Variants in LRRTM4 observed in about 807,000 individuals in gnomAD.
The protein encoded by LRRTM4 is leucine-rich repeat transmembrane neuronal protein 4.
A neutral mutation model predicts 47.6 loss-of-function variants in LRRTM4; 25 were observed. The observed-to-expected ratio is 0.53, with a 90% CI of 0.38 to 0.73. The LOEUF (loss-of-function observed/expected upper bound fraction) is 0.73. LRRTM4 is among the 30% of genes least tolerant of loss of function. LRRTM4 has a pLI of 0.00. For synonymous variants in LRRTM4, 311 were observed against 269.5 expected (o/e 1.15, Z -1.51); for missense variants, 638 against 713.4 (o/e 0.89, Z 1.20).
intron 3 of LRRTM4, among the ~76,000 whole-genome samples, chr2:77,443,544 T>C (rs1198140553): frequency 6.6e-6 from 1 of 152,178 alleles, no homozygotes; most frequent in Non-Finnish European, 1.5e-5. Context: ...ATAAGTTTTA[T>C]TGCTTTTATC....
chr2:77,262,001 C>T (rs1008006040), intron 3 of LRRTM4, among the ~76,000 whole-genome samples: 5 of 152,004 alleles, frequency 3.3e-5, no homozygotes, highest in African/African-American at 1.2e-4. Context: ...GCTCCACCTC[C>T]TGTCAAATCA....
intron 3 of LRRTM4, among the ~76,000 whole-genome samples, chr2:77,028,264 G>C (rs1284967310): frequency 1.3e-5 from 2 of 152,168 alleles, no homozygotes; most frequent in African/African-American, 4.8e-5. Flanking sequence ...GATTAGGAAA[G>C]TTGGCTAGTG....
Position 76,778,539 on chromosome 2 carries a change from T to C in LRRTM4, c.1552-29623A>G, listed in dbSNP as rs552320297. Among the ~76,000 whole-genome samples the C allele has an allele frequency of 2.0e-3, 303 of 151,314 alleles. 1 individual carries two copies. The highest frequency in any genetic ancestry group is 7.2e-3 in the African/African-American group (293 of 40,620). On this transcript the variant is annotated intron_variant, in intron 3 of 3. Transcript: ENST00000409884. ...TCCATTTCTTGTAGATTTTCTAGTTTATTTGCGTAGAGGTGTTTGTAGTAT... is the reference window on the plus strand; with the variant it reads ...TCCATTTCTTGTAGATTTTCTAGTTCATTTGCGTAGAGGTGTTTGTAGTAT...
intron 3 of LRRTM4, among the ~76,000 whole-genome samples, chr2:77,007,694 T>C (rs1677708259): frequency 6.6e-6 from 1 of 152,156 alleles, no homozygotes. Flanking sequence ...AGGGAAAGAA[T>C]AAAGGAAGGT....
intron 3 of LRRTM4, among the ~76,000 whole-genome samples, chr2:77,172,602 A>C (rs13392261): frequency 0.13 from 18,969 of 143,800 alleles, 2,259 homozygotes; most frequent in African/African-American, 0.35. Flanking sequence ...CAAAAACATA[A>C]AAAAAAAAAT....
intron 3 of LRRTM4, among the ~76,000 whole-genome samples, chr2:76,962,912 G>C (rs954851399): frequency 6.7e-6 from 1 of 150,268 alleles, no homozygotes; most frequent in Non-Finnish European, 1.5e-5. Context: ...AGTTGATTTA[G>C]AAAATTTAAA....
At chr2:77,445,642 T>A (rs1489693112) in intron 3 of LRRTM4, among the ~76,000 whole-genome samples, 1 of 152,090 alleles carries the variant, frequency 6.6e-6, no homozygotes, top group South Asian at 2.1e-4. Flanking sequence ...GATATCAATG[T>A]ACATTTTCAC....
intron 3 of LRRTM4, among the ~76,000 whole-genome samples, chr2:77,028,764 G>C (rs139737039): frequency 6.6e-6 from 1 of 151,818 alleles, no homozygotes; most frequent in South Asian, 2.1e-4. Context: ...GGCCTGGCGC[G>C]GTGGCTCACT....
At chr2:76,812,513 C>T (rs1342524548) in intron 3 of LRRTM4, among the ~76,000 whole-genome samples, 1 of 152,062 alleles carries the variant, frequency 6.6e-6, no homozygotes, top group Admixed American at 6.6e-5. Context: ...ACTGGGAATA[C>T]TTGCTAAGAT....
chr2:77,347,048 G>T (rs1671590611), intron 3 of LRRTM4, among the ~76,000 whole-genome samples: 1 of 152,026 alleles, frequency 6.6e-6, no homozygotes, highest in Non-Finnish European at 1.5e-5. Context: ...GCCAATATAG[G>T]GTGGCCAAAG....
At chr2:77,345,742 GT>G (rs1001094145) in intron 3 of LRRTM4, among the ~76,000 whole-genome samples, 1 of 151,314 alleles carries the variant, frequency 6.6e-6, no homozygotes, top group South Asian at 2.1e-4. Flanking sequence ...CCATTTGGAA[GT>G]TTTTTTTAAA....
At chr2:76,854,327 T>C (rs1672084938) in intron 3 of LRRTM4, among the ~76,000 whole-genome samples, 1 of 152,154 alleles carries the variant, frequency 6.6e-6, no homozygotes, top group Non-Finnish European at 1.5e-5. Context: ...ATACAGATAG[T>C]ATGCTGAGAA....
intron 3 of LRRTM4, among the ~76,000 whole-genome samples, chr2:77,236,891 G>A (rs1489934203): frequency 6.6e-6 from 1 of 151,912 alleles, no homozygotes; most frequent in Middle Eastern, 3.2e-3. Context: ...TGGTGAATTA[G>A]CTTTTTGATA....
chr2:77,262,397 T>C (rs1322296730), intron 3 of LRRTM4, among the ~76,000 whole-genome samples: 1 of 152,038 alleles, frequency 6.6e-6, no homozygotes, highest in Non-Finnish European at 1.5e-5. Context: ...TTTCCCCTAT[T>C]ATTAACATCT....
At chr2:77,303,956 C>T (rs955327564) in intron 3 of LRRTM4, among the ~76,000 whole-genome samples, 2 of 152,128 alleles carry the variant, frequency 1.3e-5, no homozygotes, top group East Asian at 3.9e-4. Flanking sequence ...GACTTCATTT[C>T]CTTTGGATGT....
chr2:77,037,735 T>G (rs1278855069), intron 3 of LRRTM4, among the ~76,000 whole-genome samples: 1 of 151,556 alleles, frequency 6.6e-6, no homozygotes, highest in Admixed American at 6.6e-5. Flanking sequence ...TGTTTGGTTG[T>G]TTGTTTGCTT....
chr2:77,087,778 T>C (rs896160719), intron 3 of LRRTM4, among the ~76,000 whole-genome samples: 6 of 152,200 alleles, frequency 3.9e-5, no homozygotes, highest in African/African-American at 1.4e-4. Flanking sequence ...TGAGAATATA[T>C]GTAAAATAAA....
intron 3 of LRRTM4, among the ~76,000 whole-genome samples, chr2:76,896,110 C>G (rs1304170705): frequency 1.3e-5 from 2 of 151,872 alleles, no homozygotes; most frequent in African/African-American, 4.8e-5. Context: ...ATAGATGAAC[C>G]CTACAAAATA....
At chr2:76,905,817 AC>A (rs1490665893) in intron 3 of LRRTM4, among the ~76,000 whole-genome samples, 5 of 152,154 alleles carry the variant, frequency 3.3e-5, no homozygotes, top group Non-Finnish European at 7.3e-5. Flanking sequence ...AAAGAAACGA[AC>A]AAAGCCTCCA....
Sources: allele counts gnomAD v4.1 joint callset (sites outside exome capture counted in the v4.1 genomes callset), GRCh38; gene constraint gnomAD v4.1.1; transcripts MANE v1.5; gene names NCBI Gene and HGNC (gene_info 2026-07-23, HGNC 2026-07-21).